GRID1: variants seen among roughly 807,000 people sequenced by gnomAD.
GRID1 encodes glutamate receptor ionotropic, delta-1.
GRID1 carries 28 observed loss-of-function variants against 98.0 expected under a neutral mutation model. The ratio of observed to expected loss-of-function variants is 0.29; its 90% CI spans 0.21 to 0.39. GRID1 has a LOEUF of 0.39. GRID1 is among the 10% of genes least tolerant of loss of function. The probability of loss-of-function intolerance (pLI) is 1.00; values close to 1 mark genes in which losing one functional copy is unlikely to be tolerated. For missense variants in GRID1, 1,111 were observed against 1,340.5 expected (o/e 0.83, Z 2.67); for synonymous variants, 553 against 538.5 (o/e 1.03, Z -0.37).
chr10:85,875,851 G>A (rs1397480533), intron 5 of GRID1, among the ~76,000 whole-genome samples: 4 of 152,046 alleles, frequency 2.6e-5, no homozygotes, highest in Admixed American at 1.3e-4. Context: ...ATTTATCTAT[G>A]TAACCAATAT....
At chr10:86,247,008 A>G (rs532242121) in intron 2 of GRID1, among the ~76,000 whole-genome samples, 2 of 152,362 alleles carry the variant, frequency 1.3e-5, no homozygotes, top group South Asian at 4.1e-4. Context: ...AATGAGCCTC[A>G]TCTCTTTTTG....
At chr10:85,953,231 G>A (rs11201847) in intron 4 of GRID1, among the ~76,000 whole-genome samples, 4,931 of 152,162 alleles carry the variant, frequency 0.032, 154 homozygotes, top group East Asian at 0.13. Context: ...AGGGACATGG[G>A]TGGAGCTGGA....
At chr10:86,119,265 G>T (rs572909276) in intron 4 of GRID1, among the ~76,000 whole-genome samples, 1 of 152,180 alleles carries the variant, frequency 6.6e-6, no homozygotes, top group Non-Finnish European at 1.5e-5. Flanking sequence ...AGCCTTGGAG[G>T]CAGAGGTTGC....
chr10:85,829,612 C>T (rs1052180533), intron 8 of GRID1, among the ~76,000 whole-genome samples: 18 of 152,100 alleles, frequency 1.2e-4, no homozygotes, highest in African/African-American at 4.1e-4. Flanking sequence ...TTTTAGGATA[C>T]AAAATCAATA....
chr10:86,086,138 C>G (rs1844052700), intron 4 of GRID1, among the ~76,000 whole-genome samples: 1 of 152,166 alleles, frequency 6.6e-6, no homozygotes, highest in African/African-American at 2.4e-5. Context: ...CCCTGACCAC[C>G]TAGCTATTCT....
chr10:86,146,895 T>C (rs1399264669), intron 3 of GRID1, among the ~76,000 whole-genome samples: 1 of 152,134 alleles, frequency 6.6e-6, no homozygotes, highest in African/African-American at 2.4e-5. Context: ...CTGCAATCGA[T>C]CCATGCAGGC....
chr10:86,113,810 G>A (rs1023139049), intron 4 of GRID1, among the ~76,000 whole-genome samples: 1 of 152,250 alleles, frequency 6.6e-6, no homozygotes, highest in Admixed American at 6.5e-5. Context: ...AGGGGCTGAC[G>A]GGAAAAGAAA....
intron 4 of GRID1, among the ~76,000 whole-genome samples, chr10:85,938,649 T>C (rs558562349): frequency 6.6e-6 from 1 of 152,120 alleles, no homozygotes; most frequent in Non-Finnish European, 1.5e-5. Flanking sequence ...ATGCTGAAAA[T>C]ATACAAAAGG....
chr10:86,221,917 C>CTCCTCT (rs1846260423), intron 2 of GRID1, among the ~76,000 whole-genome samples: 2 of 152,058 alleles, frequency 1.3e-5, no homozygotes, highest in Admixed American at 1.3e-4. Context: ...CCTCCTCCTC[C>CTCCTCT]TCACCCGGAA....
Position 85,830,887 on chromosome 10 carries a change from G to A in GRID1, c.1233+23609C>T, listed in dbSNP as rs190198610. Among the ~76,000 whole-genome samples the A allele has an allele frequency of 2.4e-4, 37 of 152,290 alleles. No homozygotes were observed. In the East Asian group the frequency reaches 4.8e-3, roughly 20 times the overall value. ...TGTAATGTAAATTAGCTCAGCCATT[G>A]CGGAAAGTAGTGTGGCGACTTCTCA... On this transcript the variant is annotated intron_variant, in intron 8 of 15. Coordinates refer to ENST00000327946, the MANE Select transcript of GRID1 (RefSeq NM_017551.3).
intron 4 of GRID1, among the ~76,000 whole-genome samples, chr10:86,065,703 G>A (rs1457325898): frequency 6.6e-6 from 1 of 152,202 alleles, no homozygotes; most frequent in African/African-American, 2.4e-5. Flanking sequence ...CCTCTAATTT[G>A]GAGCAGCAAG....
chr10:86,318,084 C>G (rs1847923151), intron 2 of GRID1, among the ~76,000 whole-genome samples: 1 of 151,960 alleles, frequency 6.6e-6, no homozygotes, highest in Non-Finnish European at 1.5e-5. Context: ...GGCTGGGCTC[C>G]CCAAGCAGAA....
chr10:85,750,914 G>A (rs762528724), intron 8 of GRID1, among the ~76,000 whole-genome samples: 62 of 152,182 alleles, frequency 4.1e-4, no homozygotes, highest in Non-Finnish European at 8.2e-4. Flanking sequence ...ACAGTAGGCA[G>A]CATTAAAAAT....
At chr10:85,823,129 T>C (rs1022159199) in intron 8 of GRID1, among the ~76,000 whole-genome samples, 6 of 152,068 alleles carry the variant, frequency 3.9e-5, no homozygotes, top group African/African-American at 1.4e-4. Flanking sequence ...ATGGCACATG[T>C]ATACATATGT....
At chr10:85,906,196 A>AGAG (rs1470783144) in intron 5 of GRID1, among the ~76,000 whole-genome samples, 1 of 152,168 alleles carries the variant, frequency 6.6e-6, no homozygotes, top group African/African-American at 2.4e-5. Context: ...TAATAAATCA[A>AGAG]GAGAACATAA....
chr10:86,116,424 G>A (rs1022702603), intron 4 of GRID1, among the ~76,000 whole-genome samples: 18 of 152,206 alleles, frequency 1.2e-4, no homozygotes, highest in Admixed American at 7.8e-4. Flanking sequence ...CCCCAGATGA[G>A]CACTCAGGGA....
chr10:85,877,519 T>C (rs540291489), intron 5 of GRID1, among the ~76,000 whole-genome samples: 1 of 152,140 alleles, frequency 6.6e-6, no homozygotes, highest in African/African-American at 2.4e-5. Context: ...GGGTCTGGAG[T>C]GGACCTCTAG....
rs1013376049 is a variant in GRID1 at position 86,331,189 on chromosome 10, C to A, written c.235+32752G>T. On this transcript the variant is annotated intron_variant, in intron 2 of 15. Transcript: ENST00000327946. ...GGATGTGTTGCTAATTCCACCTTTC[C>A]CCCATCCCTCACCTCTCTGCCAGCC... 2.6e-5 allele frequency among the ~76,000 whole-genome samples: 4 copies of A among 152,244 alleles called. No individual in the cohort carries two copies. The East Asian group carries it at 7.7e-4, about 29-fold the overall frequency.
At chr10:85,928,442 C>T (rs550753215) in intron 4 of GRID1, among the ~76,000 whole-genome samples, 3 of 152,230 alleles carry the variant, frequency 2.0e-5, no homozygotes, top group African/African-American at 4.8e-5. Flanking sequence ...GCACAGTCCC[C>T]GTCCTCCAGT....
Sources: allele counts gnomAD v4.1 joint callset (sites outside exome capture counted in the v4.1 genomes callset), GRCh38; gene constraint gnomAD v4.1.1; transcripts MANE v1.5; gene names NCBI Gene and HGNC (gene_info 2026-07-23, HGNC 2026-07-21).